Variants in LRBA observed in about 807,000 individuals in gnomAD.
LRBA encodes the protein lipopolysaccharide-responsive and beige-like anchor protein.
LRBA carries 176 observed loss-of-function variants against 330.0 expected under a neutral mutation model. The ratio of observed to expected loss-of-function variants is 0.53; its 90% confidence interval spans 0.47 to 0.60. The LOEUF is 0.60. Among genes scored for constraint, LRBA ranks in the 20% least tolerant of loss-of-function variants. The pLI, the probability that LRBA is intolerant of heterozygous loss-of-function variation, is 0.00. For missense variants in LRBA, 3,259 were observed against 3,444.8 expected (o/e 0.95, Z 1.35); for synonymous variants, 1,230 against 1,193.0 (o/e 1.03, Z -0.64).
intron 47 of LRBA, among the ~76,000 whole-genome samples, chr4:150,384,115 C>T (rs574375905): frequency 4.6e-5 from 7 of 151,888 alleles, no homozygotes; most frequent in African/African-American, 1.7e-4. Flanking sequence ...CTCAGCTCAC[C>T]GCAACCTCCA....
intron 40 of LRBA, among the ~76,000 whole-genome samples, chr4:150,518,910 C>CT: frequency 6.6e-6 from 1 of 151,984 alleles, no homozygotes; most frequent in East Asian, 1.9e-4. Flanking sequence ...GGTTTGTTTG[C>CT]TTTTTTTTCC....
chr4:150,559,333 C>A (rs193196195), intron 40 of LRBA, among the ~76,000 whole-genome samples: 1,609 of 151,190 alleles, frequency 0.011, 11 homozygotes, highest in Non-Finnish European at 0.017. Context: ...GAGGCCAAGG[C>A]GGGTGGATCA....
In LRBA at chr4:150,979,563, T is replaced by C. The variant is rs555095888; in HGVS notation, c.216+34864A>G. ...ATGACTAAAAGATGAACACAGACAC[T>C]ACAATAAAATATAAACAGAAACAAC... On this transcript the variant is annotated intron_variant, in intron 2 of 56. Transcript: ENST00000651943. Among the ~76,000 whole-genome samples the C allele has an allele frequency of 1.8e-4, 28 of 152,104 alleles. 1 individual carries two copies. Among genetic ancestry groups the C allele is most frequent in the Non-Finnish European group, 4.0e-4 (27 of 68,020 alleles).
At position 150,768,140 on chromosome 4, in the gene LRBA, C is replaced by T. The variant is rs17027095; in HGVS notation, c.5581-6293G>A. On this transcript the variant is annotated intron_variant, in intron 34 of 56. Coordinates refer to ENST00000651943, the MANE Select transcript of LRBA (RefSeq NM_001364905.1). ...TGACTTCAGGTTAAACATAGTAAAT[C>T]TGAGAATAAAGAGGGGGCAACAGTA... 6.2e-3 allele frequency among the ~76,000 whole-genome samples: 917 copies of T among 146,912 alleles called. 11 individuals are homozygous for T. Among genetic ancestry groups the T allele is most frequent in the African/African-American group, 0.022 (872 of 39,544 alleles).
chr4:150,371,138 T>A (rs1740221334), intron 47 of LRBA, among the ~76,000 whole-genome samples: 1 of 150,818 alleles, frequency 6.6e-6, no homozygotes, highest in Non-Finnish European at 1.5e-5. Flanking sequence ...ATAATCTATC[T>A]CCTTTTCATA....
intron 54 of LRBA, among the ~76,000 whole-genome samples, chr4:150,284,018 T>G (rs1408399255): frequency 2.0e-5 from 3 of 152,146 alleles, no homozygotes; most frequent in Non-Finnish European, 2.9e-5. Context: ...CCAACAAAGA[T>G]GAAACTGCAG....
At chr4:150,536,098 A>T (rs1385772459) in intron 40 of LRBA, among the ~76,000 whole-genome samples, 1 of 152,194 alleles carries the variant, frequency 6.6e-6, no homozygotes, top group Non-Finnish European at 1.5e-5. Flanking sequence ...GACACTCTAC[A>T]GAACAAATGC....
intron 48 of LRBA, among the ~76,000 whole-genome samples, chr4:150,339,616 C>G: frequency 6.6e-6 from 1 of 152,018 alleles, no homozygotes; most frequent in East Asian, 1.9e-4. Flanking sequence ...AAGATAATGA[C>G]CATGAACATT....
chr4:150,346,050 C>T (rs1426231999), intron 48 of LRBA, among the ~76,000 whole-genome samples: 3 of 152,166 alleles, frequency 2.0e-5, no homozygotes, highest in African/African-American at 7.2e-5. Flanking sequence ...TCAAGTGATC[C>T]TCCTGCCGTG....
chr4:150,599,170 T>A, intron 37 of LRBA, 39 bp from the exon 38 acceptor site: 1 of 1,610,080 alleles, frequency 6.2e-7, no homozygotes, highest in Non-Finnish European at 8.5e-7. Context: ...TTAGCAATTA[T>A]CAAACAGCGT....
chr4:150,889,197 A>G (rs938284008), intron 17 of LRBA, among the ~76,000 whole-genome samples: 23 of 151,796 alleles, frequency 1.5e-4, no homozygotes, highest in African/African-American at 5.3e-4. Flanking sequence ...AATTTAACCT[A>G]TTTATGTCTA....
intron 37 of LRBA, among the ~76,000 whole-genome samples, chr4:150,653,186 T>C (rs959980536): frequency 2.6e-5 from 4 of 152,062 alleles, no homozygotes; most frequent in African/African-American, 7.2e-5. Context: ...CTACAAAAAA[T>C]AAACTTTCTC....
intron 2 of LRBA, among the ~76,000 whole-genome samples, chr4:150,947,637 C>T (rs1314673992): frequency 6.6e-6 from 1 of 152,062 alleles, no homozygotes; most frequent in Non-Finnish European, 1.5e-5. Flanking sequence ...CTAAGACATG[C>T]ACTCTCACTA....
intron 33 of LRBA, among the ~76,000 whole-genome samples, chr4:150,799,009 A>G (rs1005087598): frequency 6.6e-6 from 1 of 152,088 alleles, no homozygotes; most frequent in Non-Finnish European, 1.5e-5. Context: ...TTTTCTCCCG[A>G]AGAAAACTCT....
At chr4:150,425,762 T>C (rs1374721555) in intron 46 of LRBA, among the ~76,000 whole-genome samples, 2 of 151,956 alleles carry the variant, frequency 1.3e-5, no homozygotes, top group African/African-American at 2.4e-5. Flanking sequence ...ATAATCAAAA[T>C]AGAAATAAAA....
At chr4:150,415,334 A>T in intron 47 of LRBA, 104 bp downstream of exon 47, 1 of 938,304 alleles carries the variant, frequency 1.1e-6, no homozygotes, top group Non-Finnish European at 1.6e-6. Context: ...CCTATCACCT[A>T]CAGCTTTGTC....
chr4:150,751,335 T>C (rs536083939), intron 35 of LRBA, among the ~76,000 whole-genome samples: 2 of 152,294 alleles, frequency 1.3e-5, no homozygotes, highest in Admixed American at 6.5e-5. Context: ...CCTGAATACA[T>C]ACCTCTGATT....
At position 150,925,043 on chromosome 4, in the gene LRBA, G is replaced by A. The variant is rs190186714; in HGVS notation, c.549+3473C>T. 2.0e-5 allele frequency among the ~76,000 whole-genome samples: 3 copies of A among 152,014 alleles called. No homozygotes were observed. In the East Asian group the frequency reaches 5.8e-4, roughly 29 times the overall value. On this transcript the variant is annotated intron_variant, in intron 4 of 56. Coordinates refer to ENST00000651943, the MANE Select transcript of LRBA (RefSeq NM_001364905.1). ...AAATTAGCCTGGCATGGTGGCACAT[G>A]TCCGTGGTCCCAGCTACTTGGGAGG...
intron 2 of LRBA, among the ~76,000 whole-genome samples, chr4:150,947,553 A>G (rs1736374191): frequency 6.6e-6 from 1 of 152,118 alleles, no homozygotes; most frequent in Non-Finnish European, 1.5e-5. Flanking sequence ...CAACATTTAC[A>G]TAAAACCTAC....
Sources: allele counts gnomAD v4.1 joint callset (sites outside exome capture counted in the v4.1 genomes callset), GRCh38; gene constraint gnomAD v4.1.1; transcripts MANE v1.5; gene names NCBI Gene and HGNC (gene_info 2026-07-23, HGNC 2026-07-21).